SLMAP: variants seen among roughly 807,000 people sequenced by gnomAD.
The protein encoded by SLMAP is sarcolemmal membrane-associated protein.
A neutral mutation model predicts 128.8 loss-of-function variants in SLMAP; 44 were observed. The ratio of observed to expected loss-of-function variants is 0.34; its 90% CI spans 0.27 to 0.44. The LOEUF is 0.44. SLMAP is among the 20% of genes least tolerant of loss of function. The pLI, the probability that SLMAP is intolerant of heterozygous loss-of-function variation, is 1.00. For missense variants in SLMAP, 787 were observed against 985.3 expected, an observed-to-expected ratio of 0.80 and a Z score of 2.69; for synonymous variants, 327 against 348.8, an observed-to-expected ratio of 0.94 and a Z score of 0.70.
At chr3:57,805,082 G>A (rs2089529672) in intron 2 of SLMAP, among the ~76,000 whole-genome samples, 1 of 152,078 alleles carries the variant, frequency 6.6e-6, no homozygotes, top group South Asian at 2.1e-4. Flanking sequence ...CTGGTTGGAG[G>A]TATTAGCCCT....
In SLMAP at chr3:57,909,069, CTT is replaced by C; in HGVS notation, c.1625-4_1625-3del. 1 of 1,595,874 alleles carries C rather than the reference CTT, an allele frequency of 6.3e-7. No homozygotes were observed. Among genetic ancestry groups the C allele is most frequent in the Non-Finnish European group, 8.6e-7 (1 of 1,166,242 alleles). ...ACTATTAATAGATACTGTGTTTTTA[CTT>C]TTAGCTCTTTTGGAAGAAGAAAGAA... On this transcript the variant is annotated splice_region_variant and splice_polypyrimidine_tract_variant and intron_variant, in intron 18 of 24. Coordinates refer to ENST00000671191, the MANE Select transcript of SLMAP (RefSeq NM_001377540.1).
At chr3:57,775,312 G>A (rs1576293064) in intron 2 of SLMAP, among the ~76,000 whole-genome samples, 1 of 151,976 alleles carries the variant, frequency 6.6e-6, no homozygotes, top group Admixed American at 6.5e-5. Context: ...AAAGTGCTGG[G>A]ATTACAGGCG....
intron 17 of SLMAP, among the ~76,000 whole-genome samples, chr3:57,906,697 ATAT>A: frequency 7.6e-6 from 1 of 131,006 alleles, no homozygotes; most frequent in Non-Finnish European, 1.6e-5. Context: ...ATATATATAT[ATAT>A]AATTTCCAAA....
chr3:57,882,474 A>C (rs1248297195), intron 14 of SLMAP, among the ~76,000 whole-genome samples: 1 of 152,232 alleles, frequency 6.6e-6, no homozygotes, highest in African/African-American at 2.4e-5. Flanking sequence ...ATGAAACCCT[A>C]AGACTGAGAT....
intron 17 of SLMAP, among the ~76,000 whole-genome samples, chr3:57,906,968 C>T (rs1220158605): frequency 2.0e-5 from 3 of 150,952 alleles, no homozygotes; most frequent in South Asian, 2.1e-4. Context: ...TAATTTATTT[C>T]GGTAAAACCA....
chr3:57,853,009 T>C (rs973341658), intron 6 of SLMAP, among the ~76,000 whole-genome samples: 1 of 152,252 alleles, frequency 6.6e-6, no homozygotes, highest in African/African-American at 2.4e-5. Context: ...TAAAAGACCA[T>C]TCCTGGACAT....
Position 57,837,143 on chromosome 3 carries a change from C to T in SLMAP, c.347-4156C>T, listed in dbSNP as rs140561242. The stretch of plus-strand genomic sequence containing the variant: ...CCCTTGCACATGCTTTTTCCTATGC[C>T]TAGAAACCTTTCTTGATCCTCAGGG... On this transcript the variant is annotated intron_variant, in intron 3 of 24. Coordinates refer to ENST00000671191, the MANE Select transcript of SLMAP (RefSeq NM_001377540.1). Among the ~76,000 whole-genome samples, 372 of 152,270 alleles carry T rather than the reference C, an allele frequency of 2.4e-3. 1 individual carries two copies. Among genetic ancestry groups the T allele is most frequent in the Non-Finnish European group, 4.2e-3 (286 of 68,020 alleles).
At chr3:57,858,660 A>T (rs985317502) in intron 8 of SLMAP, among the ~76,000 whole-genome samples, 13 of 152,158 alleles carry the variant, frequency 8.5e-5, no homozygotes, top group African/African-American at 3.1e-4. Context: ...GTTACAAATA[A>T]GGCTGGGCGC....
chr3:57,887,662 A>C (rs900992966), intron 14 of SLMAP, among the ~76,000 whole-genome samples: 1 of 152,228 alleles, frequency 6.6e-6, no homozygotes, highest in African/African-American at 2.4e-5. Context: ...TGCTGTCTCA[A>C]CACACAGCTT....
At chr3:57,779,084 G>C (rs138498724) in intron 2 of SLMAP, among the ~76,000 whole-genome samples, 1 of 152,046 alleles carries the variant, frequency 6.6e-6, no homozygotes, top group Non-Finnish European at 1.5e-5. Context: ...ATTACACCAC[G>C]GAGTACTGTA....
intron 6 of SLMAP, among the ~76,000 whole-genome samples, chr3:57,857,331 T>C (rs1296431896): frequency 1.3e-5 from 2 of 152,174 alleles, no homozygotes; most frequent in African/African-American, 4.8e-5. Context: ...AAATCACAGA[T>C]AGTACCAAAC....
chr3:57,888,059 C>G (rs1008146865), intron 14 of SLMAP, among the ~76,000 whole-genome samples: 1 of 152,088 alleles, frequency 6.6e-6, no homozygotes, highest in African/African-American at 2.4e-5. Flanking sequence ...CTTCTGTCCA[C>G]CCCTTTTCAG....
intron 2 of SLMAP, among the ~76,000 whole-genome samples, chr3:57,808,727 T>C (rs1437070720): frequency 1.3e-5 from 2 of 152,240 alleles, no homozygotes; most frequent in African/African-American, 4.8e-5. Context: ...GAAGAATGTA[T>C]ATTCTGTTGA....
chr3:57,873,714 G>A lies in SLMAP; in HGVS notation c.1300+2016G>A, dbSNP rs529826079. Among the ~76,000 whole-genome samples, 30 of 152,064 alleles carry A rather than the reference G, an allele frequency of 2.0e-4. 1 individual carries two copies. Among genetic ancestry groups the A allele is most frequent in the Admixed American group, 1.4e-3 (21 of 15,264 alleles). On this transcript the variant is annotated intron_variant, in intron 14 of 24. Coordinates refer to ENST00000671191, the MANE Select transcript of SLMAP (RefSeq NM_001377540.1). ...CTTTAGGCCAGGTGCTATGGCTCACGTCTGTAATCCTGCTCTTTCATGGGC... is the reference window on the plus strand; with the variant it reads ...CTTTAGGCCAGGTGCTATGGCTCACATCTGTAATCCTGCTCTTTCATGGGC...
intron 2 of SLMAP, among the ~76,000 whole-genome samples, chr3:57,826,397 T>G (rs568391795): frequency 6.6e-6 from 1 of 152,334 alleles, no homozygotes; most frequent in African/African-American, 2.4e-5. Flanking sequence ...CCTTGATACA[T>G]TTCTGTTGCT....
At chr3:57,777,210 T>A (rs1165609774) in intron 2 of SLMAP, among the ~76,000 whole-genome samples, 1 of 151,988 alleles carries the variant, frequency 6.6e-6, no homozygotes, top group Non-Finnish European at 1.5e-5. Flanking sequence ...GTAACTAACC[T>A]GCACATTGTG....
chr3:57,896,058 T>TG (rs892372583), intron 15 of SLMAP, among the ~76,000 whole-genome samples: 1 of 4,144 alleles, frequency 2.4e-4, no homozygotes, highest in African/African-American at 3.5e-4. Flanking sequence ...CTGATCGTGG[T>TG]TTTTTTTTAA....
intron 2 of SLMAP, among the ~76,000 whole-genome samples, chr3:57,791,177 G>A (rs551326812): frequency 1.2e-4 from 18 of 152,148 alleles, no homozygotes; most frequent in African/African-American, 3.4e-4. Context: ...CCAACATGGC[G>A]AAACCCCATC....
intron 14 of SLMAP, among the ~76,000 whole-genome samples, chr3:57,872,452 C>T (rs907891813): frequency 6.6e-6 from 1 of 152,102 alleles, no homozygotes; most frequent in African/African-American, 2.4e-5. Context: ...AATACCGTCT[C>T]TACTAAAAAT....
Sources: allele counts gnomAD v4.1 joint callset (sites outside exome capture counted in the v4.1 genomes callset), GRCh38; gene constraint gnomAD v4.1.1; transcripts MANE v1.5; gene names NCBI Gene and HGNC (gene_info 2026-07-23, HGNC 2026-07-21).